The following PRKCB variants were observed in gnomAD, a reference collection of about 807,000 sequenced individuals.
PRKCB encodes the protein protein kinase C beta type.
Under a neutral mutation model 81.5 loss-of-function variants are expected in PRKCB, and 13 were observed. The ratio of observed to expected loss-of-function variants is 0.16; its 90% CI spans 0.10 to 0.25. PRKCB has a LOEUF of 0.25. Ranked by LOEUF, PRKCB falls within the 10% of genes least tolerant of loss-of-function variation. The pLI, the probability that PRKCB is intolerant of heterozygous loss-of-function variation, is 1.00. For missense variants in PRKCB, 509 were observed against 875.7 expected (o/e 0.58, Z 5.29); for synonymous variants, 335 against 321.4 (o/e 1.04, Z -0.45).
chr16:24,133,024 A>G (rs188623401), intron 9 of PRKCB, among the ~76,000 whole-genome samples: 1 of 152,106 alleles, frequency 6.6e-6, no homozygotes, highest in African/African-American at 2.4e-5. Flanking sequence ...TGTCACAAAC[A>G]TATTCTAGGA....
intron 2 of PRKCB, among the ~76,000 whole-genome samples, chr16:23,971,544 T>C (rs1470855896): frequency 6.6e-6 from 1 of 152,100 alleles, no homozygotes; most frequent in Non-Finnish European, 1.5e-5. Context: ...CAAAGGGAGG[T>C]GGCAGCAAGA....
intron 16 of PRKCB, among the ~76,000 whole-genome samples, chr16:24,211,517 G>A (rs1394474002): frequency 6.6e-6 from 1 of 151,190 alleles, no homozygotes; most frequent in Non-Finnish European, 1.5e-5. Context: ...CAGATAGTGG[G>A]TAGCATAATG....
At chr16:23,982,032 CCCTTCA>C (rs1418299662) in intron 2 of PRKCB, among the ~76,000 whole-genome samples, 15 of 112,670 alleles carry the variant, frequency 1.3e-4, no homozygotes, top group South Asian at 3.3e-4. Flanking sequence ...ACTTCCCTTT[CCCTTCA>C]CCTTCCCCTT....
intron 3 of PRKCB, among the ~76,000 whole-genome samples, chr16:24,029,173 G>A (rs940226977): frequency 6.6e-6 from 1 of 152,170 alleles, no homozygotes; most frequent in Non-Finnish European, 1.5e-5. Flanking sequence ...CTAACACTTG[G>A]TATCGTTGGT....
intron 3 of PRKCB, among the ~76,000 whole-genome samples, chr16:24,026,901 A>G (rs930843871): frequency 6.6e-6 from 1 of 152,220 alleles, no homozygotes; most frequent in Non-Finnish European, 1.5e-5. Context: ...CTTGGAATCC[A>G]TCCAATTAAA....
In PRKCB at chr16:23,896,002, C is replaced by G. The variant is rs568267850; in HGVS notation, c.205+58596C>G. On this transcript the variant is annotated intron_variant, in intron 2 of 16. Transcript: ENST00000643927. ...TTATTTTCAGCAAGTCTCATGGGAA[C>G]CATGTATATTTGAATTCTATTTTTT... 2.0e-5 allele frequency among the ~76,000 whole-genome samples: 3 copies of G among 151,886 alleles called. No individual in the cohort carries two copies. In the East Asian group the frequency reaches 5.8e-4, roughly 29 times the overall value.
At chr16:24,111,627 A>G (rs771568935) in intron 7 of PRKCB, among the ~76,000 whole-genome samples, 7 of 103,142 alleles carry the variant, frequency 6.8e-5, no homozygotes, top group Non-Finnish European at 1.4e-4. Flanking sequence ...TCTCTGCCAG[A>G]AAAGAAAAAA....
intron 3 of PRKCB, among the ~76,000 whole-genome samples, chr16:24,022,091 G>A (rs1355751392): frequency 6.6e-6 from 1 of 152,136 alleles, no homozygotes; most frequent in African/African-American, 2.4e-5. Flanking sequence ...CCAGGGGTGG[G>A]CGAGATGACT....
chr16:24,041,531 T>A (rs1965697867), intron 5 of PRKCB, among the ~76,000 whole-genome samples: 1 of 152,068 alleles, frequency 6.6e-6, no homozygotes, highest in Admixed American at 6.6e-5. Flanking sequence ...AGAACCTTTT[T>A]TTTTTTAAAT....
At chr16:24,167,567 A>AG (rs905158809) in intron 10 of PRKCB, among the ~76,000 whole-genome samples, 11 of 152,062 alleles carry the variant, frequency 7.2e-5, no homozygotes, top group African/African-American at 2.7e-4. Context: ...CACAGAAAAA[A>AG]AAAAACAAAA....
intron 5 of PRKCB, among the ~76,000 whole-genome samples, chr16:24,078,131 A>C (rs773897617): frequency 4.6e-5 from 7 of 152,252 alleles, no homozygotes; most frequent in Non-Finnish European, 1.0e-4. Context: ...GCTGCCAAGC[A>C]GCGACTCTGC....
At chr16:24,109,174 C>T (rs1966632334) in intron 7 of PRKCB, among the ~76,000 whole-genome samples, 2 of 130,974 alleles carry the variant, frequency 1.5e-5, no homozygotes, top group African/African-American at 2.9e-5. Context: ...CCCCCACCTC[C>T]CTCCCCGACG....
rs377094511 is a variant in PRKCB, at chr16:24,028,603, GT to G, written c.289-3529del. Among the ~76,000 whole-genome samples the G allele has an allele frequency of 8.1e-3, 1,228 of 152,252 alleles. 10 individuals carry two copies. The highest frequency in any genetic ancestry group is 0.016 in the African/African-American group (664 of 41,556). On this transcript the variant is annotated intron_variant, in intron 3 of 16. Transcript: ENST00000643927. ...ACCTACACTTGTGTTGAACATCTTT[GT>G]TTTACCAGAATCCTTTCGAGGTTCA... is the stretch of plus-strand genomic sequence containing the variant.
At chr16:24,199,070 A>G (rs1201063953) in intron 16 of PRKCB, among the ~76,000 whole-genome samples, 2 of 152,200 alleles carry the variant, frequency 1.3e-5, no homozygotes, top group African/African-American at 4.8e-5. Flanking sequence ...AGGCATCTGG[A>G]CAGTAGGAAA....
intron 3 of PRKCB, among the ~76,000 whole-genome samples, chr16:23,993,194 CA>C (rs1964911289): frequency 6.6e-6 from 1 of 152,030 alleles, no homozygotes; most frequent in African/African-American, 2.4e-5. Context: ...TTTATACAAG[CA>C]GAACCATAGG....
intron 2 of PRKCB, among the ~76,000 whole-genome samples, chr16:23,885,880 C>T (rs1242684436): frequency 2.6e-5 from 4 of 152,116 alleles, no homozygotes; most frequent in Non-Finnish European, 5.9e-5. Flanking sequence ...AGTAAGGTGG[C>T]CTTGGCCTTA....
chr16:24,055,458 T>C (rs1314768371), intron 5 of PRKCB, among the ~76,000 whole-genome samples: 4 of 152,248 alleles, frequency 2.6e-5, no homozygotes, highest in Admixed American at 6.5e-5. Context: ...GGGTTTGGGC[T>C]TTCACGTCGG....
intron 3 of PRKCB, among the ~76,000 whole-genome samples, chr16:24,019,008 C>T (rs16973144): frequency 2.6e-5 from 4 of 152,036 alleles, no homozygotes; most frequent in African/African-American, 4.8e-5. Context: ...GTGTTACTCA[C>T]GGTGGTAGTA....
intron 2 of PRKCB, among the ~76,000 whole-genome samples, chr16:23,898,761 T>C (rs1963420437): frequency 6.6e-6 from 1 of 152,064 alleles, no homozygotes; most frequent in Admixed American, 6.5e-5. Context: ...AATAATAATA[T>C]GAGTAACAAT....
Sources: gnomAD v4.1 joint callset for allele counts (sites outside exome capture counted in the v4.1 genomes callset) on GRCh38, gnomAD v4.1.1 for gene constraint, MANE v1.5 for transcripts, NCBI Gene and HGNC (gene_info 2026-07-23, HGNC 2026-07-21) for gene names.